Variants in POU6F2 observed in about 807,000 individuals in gnomAD.
POU6F2 encodes POU class 6 homeobox 2.
POU6F2 carries 31 observed loss-of-function variants against 71.3 expected under a neutral mutation model. That is an observed-to-expected ratio of 0.43 (90% CI 0.33 to 0.59). The LOEUF is 0.59. Among genes scored for constraint, POU6F2 ranks in the 20% least tolerant of loss-of-function variants. The probability of loss-of-function intolerance (pLI) is 0.04; values close to 1 mark genes in which losing one functional copy is unlikely to be tolerated. For missense variants in POU6F2, 783 were observed against 856.8 expected (o/e 0.91, Z 1.07); for synonymous variants, 347 against 355.7 (o/e 0.98, Z 0.27).
chr7:39,422,079 G>A (rs1787862595), intron 6 of POU6F2, among the ~76,000 whole-genome samples: 1 of 152,198 alleles, frequency 6.6e-6, no homozygotes, highest in Non-Finnish European at 1.5e-5. Flanking sequence ...GACAGTGTTG[G>A]CAGCTACCAA....
chr7:38,982,167 C>T (rs1483979216), intron 1 of POU6F2, among the ~76,000 whole-genome samples: 4 of 151,990 alleles, frequency 2.6e-5, no homozygotes, highest in African/African-American at 9.7e-5. Context: ...CTAACCTAAC[C>T]CTGTTTTACT....
chr7:39,465,035 T>TA lies in POU6F2; in HGVS notation c.*350dup, dbSNP rs1278391789. On this transcript the variant is annotated 3_prime_UTR_variant, in exon 10 of 10. Coordinates refer to ENST00000518318, the MANE Select transcript of POU6F2 (RefSeq NM_001370959.1). ...CCAAATAACCACGTACTTTTTTCTG[T>TA]ATATTATGAAAATGTGAACACATTT... 2 of 202,738 alleles carry TA rather than the reference T, an allele frequency of 9.9e-6. No homozygotes were observed. The highest frequency in any genetic ancestry group is 2.0e-5 in the Non-Finnish European group (2 of 100,760). 12.6% of individuals were successfully genotyped at this position (202,738 alleles called of 1,614,324 possible).
At chr7:39,156,065 T>G (rs550843237) in intron 2 of POU6F2, among the ~76,000 whole-genome samples, 1 of 152,304 alleles carries the variant, frequency 6.6e-6, no homozygotes, top group East Asian at 1.9e-4. Context: ...ATACACATTT[T>G]GGCTGATAGA....
At chr7:39,397,023 A>G (rs902207664) in intron 5 of POU6F2, among the ~76,000 whole-genome samples, 19 of 151,998 alleles carry the variant, frequency 1.3e-4, no homozygotes, top group Admixed American at 5.9e-4. Flanking sequence ...ATTTCTAGGG[A>G]CATCTGGGAT....
chr7:39,339,803 C>T lies in POU6F2; in HGVS notation c.760C>T (p.Pro254Ser), dbSNP rs567349538. ...SQQQPLQPTP[P>S]QQPPPASQQP... ...GCAGCAGCCGCTGCAGCCCACCCCA[C>T]CCCAGCAGCCACCACCCGCCTCTCA... The change falls in exon 5 of 10, where the codon CCC (proline) becomes TCC (serine). Residue 254 changes from proline (P) to serine (S), a missense_variant. Pro to Ser is a moderately conservative substitution (Grantham distance 74). Around this residue, in one of 2 missense-constraint regions of POU6F2, gnomAD observed 572 missense variants for 572.9 expected, o/e 1.00. Coordinates refer to ENST00000518318, the MANE Select transcript of POU6F2 (RefSeq NM_001370959.1). 1 of 1,571,420 alleles carries T rather than the reference C, an allele frequency of 6.4e-7. No homozygotes were observed. Among genetic ancestry groups the T allele is most frequent in the Non-Finnish European group, 8.6e-7 (1 of 1,158,904 alleles).
At chr7:39,180,871 A>G (rs141071271) in intron 2 of POU6F2, among the ~76,000 whole-genome samples, 5 of 152,098 alleles carry the variant, frequency 3.3e-5, no homozygotes, top group African/African-American at 9.6e-5. Flanking sequence ...GCACCTTTCC[A>G]TAAGAACCCC....
chr7:39,213,508 A>G (rs1397105550), intron 4 of POU6F2, among the ~76,000 whole-genome samples: 1 of 152,232 alleles, frequency 6.6e-6, no homozygotes, highest in East Asian at 1.9e-4. Flanking sequence ...CCATCAATAC[A>G]GAAAACATTT....
chr7:39,393,672 T>G (rs928236258), intron 5 of POU6F2, among the ~76,000 whole-genome samples: 4 of 152,194 alleles, frequency 2.6e-5, no homozygotes, highest in Non-Finnish European at 4.4e-5. Context: ...AAATGTAGTA[T>G]TTTTTGTGGG....
intron 4 of POU6F2, among the ~76,000 whole-genome samples, chr7:39,225,326 G>A (rs1226141876): frequency 1.3e-5 from 2 of 152,084 alleles, no homozygotes; most frequent in East Asian, 3.8e-4. Flanking sequence ...AAAGAGGGCT[G>A]TTTTATAATA....
intron 4 of POU6F2, among the ~76,000 whole-genome samples, chr7:39,272,575 G>A (rs905438984): frequency 2.0e-5 from 3 of 152,132 alleles, no homozygotes; most frequent in Non-Finnish European, 2.9e-5. Flanking sequence ...TGTTGAGTTT[G>A]GAGCTCCCTG....
chr7:39,195,861 G>A (rs1793777760), intron 2 of POU6F2, among the ~76,000 whole-genome samples: 1 of 151,968 alleles, frequency 6.6e-6, no homozygotes, highest in Non-Finnish European at 1.5e-5. Flanking sequence ...GCAGGTAGCA[G>A]GTAAGAAAAC....
intron 4 of POU6F2, among the ~76,000 whole-genome samples, chr7:39,215,710 G>T (rs1330165160): frequency 6.6e-6 from 1 of 152,166 alleles, no homozygotes; most frequent in African/African-American, 2.4e-5. Context: ...GCAGGGATGG[G>T]GATGTGATGC....
chr7:39,389,905 T>C (rs980353471), intron 5 of POU6F2, among the ~76,000 whole-genome samples: 1 of 152,176 alleles, frequency 6.6e-6, no homozygotes, highest in South Asian at 2.1e-4. Context: ...ATGGCCCTAC[T>C]CCAAATCCCC....
chr7:39,286,973 G>C (rs1425458330), intron 4 of POU6F2, among the ~76,000 whole-genome samples: 1 of 150,854 alleles, frequency 6.6e-6, no homozygotes, highest in Non-Finnish European at 1.5e-5. Context: ...CAGAGAGGGA[G>C]TTTGTAGTCG....
chr7:39,166,905 A>C (rs1793126357), intron 2 of POU6F2, among the ~76,000 whole-genome samples: 1 of 152,158 alleles, frequency 6.6e-6, no homozygotes, highest in South Asian at 2.1e-4. Context: ...TTAGCTCTGT[A>C]AGTTTTCTAT....
At chr7:39,203,359 A>G (rs900127891) in intron 2 of POU6F2, among the ~76,000 whole-genome samples, 1 of 152,230 alleles carries the variant, frequency 6.6e-6, no homozygotes, top group Non-Finnish European at 1.5e-5. Flanking sequence ...TCAACCACCC[A>G]TTAGAAAACT....
At chr7:39,244,483 G>T (rs149659143) in intron 4 of POU6F2, among the ~76,000 whole-genome samples, 1 of 152,184 alleles carries the variant, frequency 6.6e-6, no homozygotes, top group Non-Finnish European at 1.5e-5. Flanking sequence ...TAGAGTCATT[G>T]TGGGGATTAA....
At chr7:39,034,922 A>G (rs1033683941) in intron 1 of POU6F2, among the ~76,000 whole-genome samples, 1 of 152,014 alleles carries the variant, frequency 6.6e-6, no homozygotes, top group African/African-American at 2.4e-5. Flanking sequence ...AAACTCTTTT[A>G]AAAATAGTTA....
At chr7:39,073,067 A>T (rs1354332732) in intron 1 of POU6F2, among the ~76,000 whole-genome samples, 1 of 152,160 alleles carries the variant, frequency 6.6e-6, no homozygotes, top group African/African-American at 2.4e-5. Context: ...CTAGATCTTT[A>T]CATTTCTCAT....
Sources: allele counts gnomAD v4.1 joint callset (sites outside exome capture counted in the v4.1 genomes callset), GRCh38; gene constraint gnomAD v4.1.1; regional missense constraint gnomAD v4.1.1; transcripts MANE v1.5; gene names NCBI Gene and HGNC (gene_info 2026-07-23, HGNC 2026-07-21).